Variants in KCND2 observed in about 807,000 individuals in gnomAD.
KCND2 encodes the protein potassium voltage-gated channel subfamily D member 2.
A neutral mutation model predicts 54.4 loss-of-function variants in KCND2; 16 were observed. That is an observed-to-expected ratio of 0.29 (90% CI 0.20 to 0.45). KCND2 has a LOEUF of 0.45. Ranked by LOEUF, KCND2 falls within the 20% of genes least tolerant of loss-of-function variation. KCND2 has a pLI of 1.00. For missense variants in KCND2, 486 were observed against 824.2 expected (o/e 0.59, Z 5.02); for synonymous variants, 317 against 310.7 (o/e 1.02, Z -0.21).
At chr7:120,576,744 G>A (rs1484095137) in intron 1 of KCND2, among the ~76,000 whole-genome samples, 1 of 152,022 alleles carries the variant, frequency 6.6e-6, no homozygotes. Context: ...ATCCACAGAT[G>A]ATTACAGACT....
At chr7:120,645,478 A>C (rs1793428462) in intron 1 of KCND2, among the ~76,000 whole-genome samples, 1 of 152,186 alleles carries the variant, frequency 6.6e-6, no homozygotes, top group African/African-American at 2.4e-5. Flanking sequence ...ACCACATGAC[A>C]TGTGCCATAC....
chr7:120,283,612 T>G (rs1232841704), intron 1 of KCND2, among the ~76,000 whole-genome samples: 2 of 152,136 alleles, frequency 1.3e-5, no homozygotes, highest in Non-Finnish European at 2.9e-5. Flanking sequence ...CTGAATTCCA[T>G]ATTTTAGCTG....
At chr7:120,298,196 C>T (rs1482382476) in intron 1 of KCND2, among the ~76,000 whole-genome samples, 2 of 152,114 alleles carry the variant, frequency 1.3e-5, no homozygotes, top group Non-Finnish European at 1.5e-5. Flanking sequence ...CTTACACAGA[C>T]ATACACATCA....
intron 1 of KCND2, among the ~76,000 whole-genome samples, chr7:120,706,788 C>T (rs1487289536): frequency 6.6e-6 from 1 of 152,150 alleles, no homozygotes; most frequent in Non-Finnish European, 1.5e-5. Flanking sequence ...AATTAACACA[C>T]ATCTATAATA....
chr7:120,363,491 T>C (rs1239039915), intron 1 of KCND2, among the ~76,000 whole-genome samples: 1 of 152,116 alleles, frequency 6.6e-6, no homozygotes, highest in Non-Finnish European at 1.5e-5. Context: ...CTTTCTCTGA[T>C]ACCTCATGTA....
intron 1 of KCND2, among the ~76,000 whole-genome samples, chr7:120,326,092 G>T (rs1345177030): frequency 6.6e-6 from 1 of 152,022 alleles, no homozygotes; most frequent in African/African-American, 2.4e-5. Flanking sequence ...TGAAGTTAAT[G>T]TATTATTAAA....
chr7:120,373,412 A>G (rs954962462), intron 1 of KCND2, among the ~76,000 whole-genome samples: 11 of 151,944 alleles, frequency 7.2e-5, no homozygotes, highest in Admixed American at 2.6e-4. Flanking sequence ...GAAAGCAGGA[A>G]ACTATAAGAA....
chr7:120,554,569 T>A (rs1792139791), intron 1 of KCND2, among the ~76,000 whole-genome samples: 1 of 151,954 alleles, frequency 6.6e-6, no homozygotes, highest in Non-Finnish European at 1.5e-5. Flanking sequence ...CCACCACTAC[T>A]GGCTAATTTT....
chr7:120,738,205 A>G (rs1291465389), intron 2 of KCND2, among the ~76,000 whole-genome samples: 3 of 152,108 alleles, frequency 2.0e-5, no homozygotes, highest in East Asian at 3.9e-4. Flanking sequence ...TTCTTCTCAC[A>G]GTGATCATCC....
chr7:120,680,711 G>T (rs975090012), intron 1 of KCND2, among the ~76,000 whole-genome samples: 1 of 151,970 alleles, frequency 6.6e-6, no homozygotes, highest in African/African-American at 2.4e-5. Context: ...TAATACAATA[G>T]TATATAAGCT....
chr7:120,453,300 A>G (rs186164046), intron 1 of KCND2, among the ~76,000 whole-genome samples: 1 of 152,146 alleles, frequency 6.6e-6, no homozygotes, highest in East Asian at 1.9e-4. Context: ...CTCAGCCATA[A>G]CACCATTGTT....
chr7:120,284,539 A>G (rs986007428), intron 1 of KCND2, among the ~76,000 whole-genome samples: 4 of 152,178 alleles, frequency 2.6e-5, no homozygotes, highest in African/African-American at 9.7e-5. Context: ...ACAATATTGA[A>G]TCAGAAAGGA....
intron 1 of KCND2, among the ~76,000 whole-genome samples, chr7:120,723,133 A>T (rs2116111128): frequency 6.6e-6 from 1 of 152,326 alleles, no homozygotes; most frequent in East Asian, 1.9e-4. Flanking sequence ...CCAGAGTGAA[A>T]GTAGCCCTGA....
intron 1 of KCND2, among the ~76,000 whole-genome samples, chr7:120,372,440 T>G (rs1233636631): frequency 7.0e-6 from 1 of 143,794 alleles, no homozygotes; most frequent in Non-Finnish European, 1.5e-5. Flanking sequence ...GAGCAAAGTT[T>G]GCTTTTTTAA....
intron 1 of KCND2, among the ~76,000 whole-genome samples, chr7:120,431,406 G>A (rs922798771): frequency 2.0e-5 from 3 of 152,196 alleles, no homozygotes; most frequent in Admixed American, 6.5e-5. Context: ...CAAGGAGGGA[G>A]TAGTGAGTAT....
intron 1 of KCND2, among the ~76,000 whole-genome samples, chr7:120,705,688 G>A (rs1792459052): frequency 6.6e-6 from 1 of 152,062 alleles, no homozygotes. Flanking sequence ...CTGGTTGCCA[G>A]GAATGGAGAA....
intron 1 of KCND2, among the ~76,000 whole-genome samples, chr7:120,540,028 T>A (rs1251065180): frequency 1.3e-5 from 2 of 151,990 alleles, no homozygotes; most frequent in Non-Finnish European, 1.5e-5. Flanking sequence ...TGAAGAAAAT[T>A]TTCTTCAACA....
intron 1 of KCND2, among the ~76,000 whole-genome samples, chr7:120,353,455 A>T (rs567617774): frequency 6.6e-6 from 1 of 152,248 alleles, no homozygotes; most frequent in South Asian, 2.1e-4. Flanking sequence ...CTGAGTGACT[A>T]ATTAGATGCA....
chr7:120,737,089 A>AC (rs1340105392), intron 2 of KCND2, among the ~76,000 whole-genome samples: 22 of 149,862 alleles, frequency 1.5e-4, no homozygotes, highest in African/African-American at 5.5e-4. Context: ...CAAAAAAAAA[A>AC]AAAACAAAAC....
Sources: gnomAD v4.1 joint callset for allele counts (sites outside exome capture counted in the v4.1 genomes callset) on GRCh38, gnomAD v4.1.1 for gene constraint, MANE v1.5 for transcripts, NCBI Gene and HGNC (gene_info 2026-07-23, HGNC 2026-07-21) for gene names.